SGCZ: variants seen among roughly 807,000 people sequenced by gnomAD.
SGCZ encodes the protein zeta-sarcoglycan.
A neutral mutation model predicts 41.3 loss-of-function variants in SGCZ; 40 were observed. That is an observed-to-expected ratio of 0.97 (90% confidence interval 0.75 to 1.26). The LOEUF is 1.26. Among genes scored for constraint, SGCZ ranks in the 50% most tolerant of loss-of-function variants. SGCZ has a pLI of 0.00. For synonymous variants in SGCZ, 206 were observed against 137.5 expected (o/e 1.50, Z -3.49); for missense variants, 552 against 369.8 (o/e 1.49, Z -4.04).
At chr8:14,868,873 C>A (rs1302707136) in intron 1 of SGCZ, among the ~76,000 whole-genome samples, 1 of 152,024 alleles carries the variant, frequency 6.6e-6, no homozygotes, top group Non-Finnish European at 1.5e-5. Flanking sequence ...CACACACCCT[C>A]CCAAGGCTAA....
chr8:14,590,760 A>G (rs1411860460), intron 1 of SGCZ, among the ~76,000 whole-genome samples: 1 of 148,062 alleles, frequency 6.8e-6, no homozygotes, highest in Non-Finnish European at 1.5e-5. Flanking sequence ...CTGTCATAGT[A>G]TATACTATAT....
chr8:15,089,497 A>G (rs1013238229), intron 1 of SGCZ, among the ~76,000 whole-genome samples: 1 of 151,602 alleles, frequency 6.6e-6, no homozygotes, highest in East Asian at 1.9e-4. Flanking sequence ...ATGAAGTTTT[A>G]CCATACAGTG....
Position 15,197,856 on chromosome 8 carries a change from C to G in SGCZ, c.39+39729G>C, listed in dbSNP as rs558184905. Among the ~76,000 whole-genome samples the G allele has an allele frequency of 1.6e-4, 24 of 151,476 alleles. No individual in the cohort carries two copies. The South Asian group carries it at 2.7e-3, about 17-fold the overall frequency. On this transcript the variant is annotated intron_variant, in intron 1 of 7. Transcript: ENST00000382080. ...GTAGTAAATTATACGCACACACATA[C>G]CAATATATTTACATTATATGTGTAT... is the stretch of plus-strand genomic sequence containing the variant.
intron 2 of SGCZ, among the ~76,000 whole-genome samples, chr8:14,456,133 G>C (rs918472408): frequency 2.0e-5 from 3 of 152,136 alleles, no homozygotes; most frequent in Admixed American, 6.5e-5. Flanking sequence ...GGTAGGACAC[G>C]CACGGTGGCT....
chr8:14,192,163 A>T (rs186860066), intron 4 of SGCZ, among the ~76,000 whole-genome samples: 4 of 152,210 alleles, frequency 2.6e-5, no homozygotes, highest in African/African-American at 7.2e-5. Flanking sequence ...ATAAACTTTC[A>T]CATGGGTAGT....
intron 1 of SGCZ, among the ~76,000 whole-genome samples, chr8:14,838,498 G>C (rs1266954027): frequency 6.6e-6 from 1 of 152,100 alleles, no homozygotes; most frequent in Non-Finnish European, 1.5e-5. Flanking sequence ...CCCAGGAGCA[G>C]GTACCATACA....
intron 2 of SGCZ, among the ~76,000 whole-genome samples, chr8:14,529,066 G>C (rs879684110): frequency 6.6e-6 from 1 of 151,736 alleles, no homozygotes; most frequent in Non-Finnish European, 1.5e-5. Flanking sequence ...GATCTACATC[G>C]CTCATCAACC....
At chr8:14,534,027 A>G (rs1349346598) in intron 2 of SGCZ, among the ~76,000 whole-genome samples, 1 of 152,014 alleles carries the variant, frequency 6.6e-6, no homozygotes, top group Non-Finnish European at 1.5e-5. Context: ...CAAAGGGCAA[A>G]AACTCTACAG....
intron 3 of SGCZ, among the ~76,000 whole-genome samples, chr8:14,287,881 C>T (rs1800694619): frequency 6.6e-6 from 1 of 152,050 alleles, no homozygotes; most frequent in Admixed American, 6.6e-5. Flanking sequence ...AATTGGGAAT[C>T]TAGCTTAATG....
At chr8:14,783,015 A>C (rs2130440310) in intron 1 of SGCZ, among the ~76,000 whole-genome samples, 1 of 152,324 alleles carries the variant, frequency 6.6e-6, no homozygotes, top group Non-Finnish European at 1.5e-5. Context: ...TTATGTATTT[A>C]CTTGGAGTTG....
intron 5 of SGCZ, among the ~76,000 whole-genome samples, chr8:14,129,357 A>G (rs1802965199): frequency 7.2e-6 from 1 of 139,416 alleles, no homozygotes; most frequent in Non-Finnish European, 1.5e-5. Context: ...AAAAAAAAAA[A>G]AAAAAAAAAA....
chr8:14,909,412 T>C (rs1034270272), intron 1 of SGCZ, among the ~76,000 whole-genome samples: 2 of 152,318 alleles, frequency 1.3e-5, no homozygotes, highest in East Asian at 1.9e-4. Context: ...TTACAACGTA[T>C]TTCTCTTACT....
At chr8:14,349,340 A>G (rs1328176145) in intron 2 of SGCZ, among the ~76,000 whole-genome samples, 2 of 152,134 alleles carry the variant, frequency 1.3e-5, no homozygotes, top group Admixed American at 6.6e-5. Flanking sequence ...TGAAGAAGAC[A>G]TGGGTAGTTC....
intron 1 of SGCZ, among the ~76,000 whole-genome samples, chr8:14,814,417 C>A (rs886515411): frequency 6.6e-6 from 1 of 152,030 alleles, no homozygotes; most frequent in Non-Finnish European, 1.5e-5. Flanking sequence ...TTGCACAGAA[C>A]TAGGAAGGCA....
intron 1 of SGCZ, among the ~76,000 whole-genome samples, chr8:14,840,036 G>T (rs1000243382): frequency 7.9e-5 from 12 of 151,766 alleles, no homozygotes; most frequent in African/African-American, 2.9e-4. Context: ...CCAGTAATGC[G>T]GAGAAACCAA....
chr8:14,779,539 G>A (rs904087634), intron 1 of SGCZ, among the ~76,000 whole-genome samples: 2 of 152,198 alleles, frequency 1.3e-5, no homozygotes, highest in African/African-American at 4.8e-5. Context: ...AAAATTGGAA[G>A]AAATGATTGC....
At chr8:14,119,035 G>C (rs1802609835) in intron 5 of SGCZ, among the ~76,000 whole-genome samples, 2 of 152,092 alleles carry the variant, frequency 1.3e-5, no homozygotes, top group Non-Finnish European at 2.9e-5. Flanking sequence ...GGATTGTCTT[G>C]GCTACGTGGG....
intron 4 of SGCZ, among the ~76,000 whole-genome samples, chr8:14,234,083 C>A (rs1473460888): frequency 3.3e-5 from 5 of 151,970 alleles, no homozygotes; most frequent in African/African-American, 1.2e-4. Flanking sequence ...ATTATTTGGT[C>A]AAATTCATAA....
chr8:14,753,290 A>G (rs1436381087), intron 1 of SGCZ, among the ~76,000 whole-genome samples: 1 of 152,134 alleles, frequency 6.6e-6, no homozygotes, highest in Non-Finnish European at 1.5e-5. Flanking sequence ...AAGGGATCCA[A>G]TTCCATTCTC....
Sources: allele counts gnomAD v4.1 joint callset (sites outside exome capture counted in the v4.1 genomes callset), GRCh38; gene constraint gnomAD v4.1.1; transcripts MANE v1.5; gene names NCBI Gene and HGNC (gene_info 2026-07-23, HGNC 2026-07-21).